The following TENT2 variants were observed in gnomAD, a reference collection of about 807,000 sequenced individuals.
TENT2 encodes the protein terminal nucleotidyltransferase 2.
TENT2 carries 44 observed loss-of-function variants against 72.2 expected under a neutral mutation model. The observed-to-expected ratio is 0.61, with a 90% CI of 0.48 to 0.78. TENT2 has a LOEUF of 0.78. Among genes scored for constraint, TENT2 ranks in the 30% least tolerant of loss-of-function variants. The pLI is 0.00. For missense variants in TENT2, 541 were observed against 569.6 expected, an observed-to-expected ratio of 0.95 and a Z score of 0.51; for synonymous variants, 212 against 192.5, an observed-to-expected ratio of 1.10 and a Z score of -0.84.
At chr5:79,615,399 C>T (rs892693433) in intron 1 of TENT2, among the ~76,000 whole-genome samples, 1 of 152,150 alleles carries the variant, frequency 6.6e-6, no homozygotes, top group Non-Finnish European at 1.5e-5. Context: ...AGGCTTTTTG[C>T]TATGAACCGA....
intron 12 of TENT2, among the ~76,000 whole-genome samples, chr5:79,670,840 T>C (rs1447521950): frequency 2.0e-5 from 3 of 151,210 alleles, no homozygotes; most frequent in South Asian, 2.1e-4. Flanking sequence ...TCTGTCAAGC[T>C]TAGGGAATTT....
intron 4 of TENT2, among the ~76,000 whole-genome samples, chr5:79,632,473 T>C (rs923540905): frequency 9.2e-5 from 14 of 152,216 alleles, no homozygotes; most frequent in East Asian, 1.9e-4. Context: ...TAATCAGTTA[T>C]CTAAGCCCCT....
At chr5:79,650,759 C>T (rs1344945291) in intron 10 of TENT2, among the ~76,000 whole-genome samples, 1 of 151,970 alleles carries the variant, frequency 6.6e-6, no homozygotes, top group Non-Finnish European at 1.5e-5. Context: ...TTTTGTTAAC[C>T]TAATTCCTGG....
At chr5:79,652,408 C>A (rs922697375) in intron 10 of TENT2, among the ~76,000 whole-genome samples, 1 of 151,752 alleles carries the variant, frequency 6.6e-6, no homozygotes, top group African/African-American at 2.4e-5. Context: ...TGTATATATA[C>A]AAATACTGAA....
intron 11 of TENT2, among the ~76,000 whole-genome samples, chr5:79,667,671 C>T (rs947905440): frequency 3.9e-5 from 6 of 152,096 alleles, no homozygotes; most frequent in Admixed American, 2.6e-4. Flanking sequence ...TAGTAGTTAA[C>T]AATTATTGAT....
At chr5:79,668,861 T>G in intron 11 of TENT2, 31 bp from the exon 12 acceptor site, 1 of 1,593,058 alleles carries the variant, frequency 6.3e-7, no homozygotes, top group Non-Finnish European at 8.5e-7. Flanking sequence ...TTAAATGGCT[T>G]TACATTTTTT....
intron 8 of TENT2, among the ~76,000 whole-genome samples, chr5:79,647,546 A>G (rs1482462410): frequency 6.6e-6 from 1 of 152,198 alleles, no homozygotes; most frequent in East Asian, 1.9e-4. Context: ...TAATACTACT[A>G]TCCATTTTTA....
At chr5:79,624,604 C>T (rs951502523) in intron 4 of TENT2, among the ~76,000 whole-genome samples, 3 of 152,144 alleles carry the variant, frequency 2.0e-5, no homozygotes, top group African/African-American at 7.2e-5. Flanking sequence ...AACAACTAAT[C>T]TATTTTCTGT....
chr5:79,636,664 T>C (rs1780370666), intron 4 of TENT2, among the ~76,000 whole-genome samples: 1 of 152,214 alleles, frequency 6.6e-6, no homozygotes, highest in African/African-American at 2.4e-5. Context: ...TTTGATTGCA[T>C]TGAATCTAAA....
At chr5:79,633,135 A>G (rs1448036774) in intron 4 of TENT2, among the ~76,000 whole-genome samples, 1 of 152,216 alleles carries the variant, frequency 6.6e-6, no homozygotes, top group Non-Finnish European at 1.5e-5. Context: ...AAGGGAATTG[A>G]CTGTGAAGAA....
At chr5:79,673,238 A>G (rs931285580) in intron 12 of TENT2, among the ~76,000 whole-genome samples, 8 of 152,138 alleles carry the variant, frequency 5.3e-5, no homozygotes, top group Non-Finnish European at 1.2e-4. Context: ...CTCTCATTCT[A>G]TGGGTTTGTC....
intron 7 of TENT2, among the ~76,000 whole-genome samples, chr5:79,643,857 G>C (rs1370029864): frequency 6.6e-6 from 1 of 151,964 alleles, no homozygotes; most frequent in African/African-American, 2.4e-5. Flanking sequence ...GTGATCAATG[G>C]ATTTAGTAAC....
At chr5:79,618,480 C>T (rs2149874110) in intron 1 of TENT2, among the ~76,000 whole-genome samples, 2 of 152,216 alleles carry the variant, frequency 1.3e-5, no homozygotes, top group Middle Eastern at 6.8e-3. Context: ...GTAGTCTTCC[C>T]ACCCCGGCCT....
At chr5:79,647,430 A>C (rs950122241) in intron 8 of TENT2, among the ~76,000 whole-genome samples, 7 of 152,164 alleles carry the variant, frequency 4.6e-5, no homozygotes, top group African/African-American at 1.4e-4. Context: ...TACTATGTGG[A>C]TGTAGTACAA....
chr5:79,666,402 G>A (rs1213706512), intron 11 of TENT2, among the ~76,000 whole-genome samples: 1 of 150,152 alleles, frequency 6.7e-6, no homozygotes, highest in East Asian at 1.9e-4. Flanking sequence ...ATAAGGTCTT[G>A]CTCAAGCTGG....
intron 4 of TENT2, among the ~76,000 whole-genome samples, chr5:79,633,990 A>G (rs1468279030): frequency 1.5e-5 from 2 of 132,570 alleles, no homozygotes; most frequent in East Asian, 4.2e-4. Flanking sequence ...CGTCTCTACT[A>G]AAAATACAAA....
intron 11 of TENT2, among the ~76,000 whole-genome samples, chr5:79,663,710 C>A (rs1327912754): frequency 6.6e-6 from 1 of 152,042 alleles, no homozygotes; most frequent in Non-Finnish European, 1.5e-5. Context: ...CCATAAGATA[C>A]AATAATAATG....
chr5:79,619,838 T>C, intron 2 of TENT2, 53 bp downstream of exon 2: 1 of 1,577,280 alleles, frequency 6.3e-7, no homozygotes, highest in Non-Finnish European at 8.6e-7. Flanking sequence ...ATTTTCTATT[T>C]GACATAAACC....
intron 11 of TENT2, among the ~76,000 whole-genome samples, chr5:79,666,797 T>TTG (rs1808468494): frequency 6.6e-6 from 1 of 152,182 alleles, no homozygotes; most frequent in African/African-American, 2.4e-5. Flanking sequence ...AAGTGCTTAA[T>TTG]TGTCCAAAGA....
Sources: gnomAD v4.1 joint callset for allele counts (sites outside exome capture counted in the v4.1 genomes callset) on GRCh38, gnomAD v4.1.1 for gene constraint, MANE v1.5 for transcripts, NCBI Gene and HGNC (gene_info 2026-07-23, HGNC 2026-07-21) for gene names.